ELK3: variants seen among roughly 807,000 people sequenced by gnomAD.
ELK3 encodes ETS transcription factor ELK3, also known as ETS domain-containing protein Elk-3.
In ELK3, 10 loss-of-function variants were observed where a neutral mutation model predicts 28.9. That is an observed-to-expected ratio of 0.35 (90% CI 0.21 to 0.59). ELK3 has a LOEUF of 0.59. ELK3 is among the 20% of genes least tolerant of loss of function. The pLI, the probability that ELK3 is intolerant of heterozygous loss-of-function variation, is 0.82. For synonymous variants in ELK3, 272 were observed against 243.5 expected (o/e 1.12, Z -1.09); for missense variants, 463 against 517.3 (o/e 0.90, Z 1.02).
intron 1 of ELK3, among the ~76,000 whole-genome samples, chr12:96,222,589 C>A (rs1023797796): frequency 6.6e-6 from 1 of 152,176 alleles, no homozygotes; most frequent in Non-Finnish European, 1.5e-5. Flanking sequence ...TATCAGAGTG[C>A]TGGCAATACA....
chr12:96,254,342 TAAAC>T (rs760526586), intron 3 of ELK3, among the ~76,000 whole-genome samples: 6 of 151,862 alleles, frequency 4.0e-5, no homozygotes, highest in Non-Finnish European at 7.4e-5. Context: ...AATAAGTAAA[TAAAC>T]AGCTGCTAGA....
chr12:96,224,985 A>C (rs2300553), intron 2 of ELK3, among the ~76,000 whole-genome samples: 42,750 of 152,186 alleles, frequency 0.28, 7,437 homozygotes, highest in South Asian at 0.48. Context: ...ATTGCACGTG[A>C]TTGTGTCATT....
chr12:96,261,957 T>G (rs913223166), intron 4 of ELK3, among the ~76,000 whole-genome samples: 1 of 151,850 alleles, frequency 6.6e-6, no homozygotes, highest in African/African-American at 2.4e-5. Flanking sequence ...AAATAAAGAT[T>G]GCAGGGCCCC....
intron 1 of ELK3, among the ~76,000 whole-genome samples, chr12:96,221,749 T>A (rs1484863215): frequency 6.6e-6 from 1 of 152,206 alleles, no homozygotes; most frequent in Non-Finnish European, 1.5e-5. Context: ...GAGGTGGTTT[T>A]GACCCAGCAG....
intron 4 of ELK3, among the ~76,000 whole-genome samples, chr12:96,266,464 C>T (rs957722765): frequency 1.3e-5 from 2 of 152,148 alleles, no homozygotes; most frequent in Admixed American, 1.3e-4. Context: ...CTATATTTAT[C>T]ATCTTAGTGA....
rs189887931 is a variant in ELK3 at position 96,205,368 on chromosome 12, T to G, written c.-3+10663T>G. Among the ~76,000 whole-genome samples, 10 of 152,340 alleles carry G rather than the reference T, an allele frequency of 6.6e-5. No homozygotes were observed. In the East Asian group the frequency reaches 1.9e-3, roughly 29 times the overall value. On this transcript the variant is annotated intron_variant, in intron 1 of 4. Coordinates refer to ENST00000228741, the MANE Select transcript of ELK3 (RefSeq NM_005230.4). Reference sequence around the variant, plus strand: ...TATGATCTTGAAACCCTCTGGCAACTAGAATTCGTGAGCACTGGGAGGCAA... The same window carrying G: ...TATGATCTTGAAACCCTCTGGCAACGAGAATTCGTGAGCACTGGGAGGCAA...
intron 1 of ELK3, among the ~76,000 whole-genome samples, chr12:96,206,323 AT>A (rs1188781659): frequency 2.2e-4 from 32 of 147,018 alleles, no homozygotes; most frequent in South Asian, 4.3e-4. Flanking sequence ...TTATTTATTT[AT>A]TTTTTTTTTT....
At chr12:96,200,521 A>G (rs1434688667) in intron 1 of ELK3, among the ~76,000 whole-genome samples, 2 of 152,170 alleles carry the variant, frequency 1.3e-5, no homozygotes, top group African/African-American at 2.4e-5. Context: ...ATTTAGAGAC[A>G]GAGCCTGGTT....
rs148884722 is a variant in ELK3, at chr12:96,208,471, C to T, written c.-3+13766C>T. Among the ~76,000 whole-genome samples, 221 of 152,352 alleles carry T rather than the reference C, an allele frequency of 1.5e-3. 2 individuals are homozygous for T. The highest frequency in any genetic ancestry group is 4.7e-3 in the African/African-American group (197 of 41,588). On this transcript the variant is annotated intron_variant, in intron 1 of 4. Coordinates refer to ENST00000228741, the MANE Select transcript of ELK3 (RefSeq NM_005230.4). Reference sequence around the variant, plus strand: ...TTTTCCTGAGAAGAGCATGCAATGGCGTCTCTCCTTCTCCAGGCCACTGCC... The same window carrying T: ...TTTTCCTGAGAAGAGCATGCAATGGTGTCTCTCCTTCTCCAGGCCACTGCC...
intron 2 of ELK3, among the ~76,000 whole-genome samples, chr12:96,231,143 C>G (rs937862388): frequency 6.6e-6 from 1 of 152,178 alleles, no homozygotes; most frequent in African/African-American, 2.4e-5. Flanking sequence ...CAGCTTTTTC[C>G]CTTGGTCTTG....
chr12:96,263,744 T>C (rs1213523746), intron 4 of ELK3, among the ~76,000 whole-genome samples: 5 of 152,198 alleles, frequency 3.3e-5, no homozygotes, highest in South Asian at 2.1e-4. Context: ...TAGAGCCGAA[T>C]GACGGGGACG....
chr12:96,228,416 CAAAAAAAAAA>C (rs71091236), intron 2 of ELK3, among the ~76,000 whole-genome samples: 25 of 68,332 alleles, frequency 3.7e-4, no homozygotes, highest in South Asian at 1.4e-3. Context: ...GACTCTGTGT[CAAAAAAAAAA>C]AAAAAAAAAA....
chr12:96,256,538 CA>C (rs926485505), intron 3 of ELK3, among the ~76,000 whole-genome samples: 12 of 152,232 alleles, frequency 7.9e-5, no homozygotes, highest in African/African-American at 2.6e-4. Context: ...AGCGATAAGC[CA>C]GGGGGGACCC....
intron 3 of ELK3, among the ~76,000 whole-genome samples, chr12:96,251,889 C>T (rs1375822739): frequency 6.6e-6 from 1 of 152,240 alleles, no homozygotes; most frequent in Non-Finnish European, 1.5e-5. Context: ...GGAGAAGCTG[C>T]AGTAAGCTGT....
At chr12:96,218,748 A>G (rs957869401) in intron 1 of ELK3, among the ~76,000 whole-genome samples, 1 of 149,260 alleles carries the variant, frequency 6.7e-6, no homozygotes, top group African/African-American at 2.5e-5. Flanking sequence ...TCCTGGGTTC[A>G]CGCCATTCTC....
chr12:96,211,485 GTTT>G (rs1450998049), intron 1 of ELK3, among the ~76,000 whole-genome samples: 3 of 27,358 alleles, frequency 1.1e-4, no homozygotes, highest in Non-Finnish European at 2.5e-4. Context: ...GTCATTGTGT[GTTT>G]GTGTGTGTGT....
At chr12:96,230,317 A>T (rs1298457767) in intron 2 of ELK3, among the ~76,000 whole-genome samples, 1 of 152,202 alleles carries the variant, frequency 6.6e-6, no homozygotes, top group East Asian at 1.9e-4. Context: ...CCCCAGCGAC[A>T]CATTTCTCAG....
At chr12:96,195,684 G>A (rs1321166655) in intron 1 of ELK3, among the ~76,000 whole-genome samples, 3 of 152,130 alleles carry the variant, frequency 2.0e-5, no homozygotes, top group Non-Finnish European at 4.4e-5. Context: ...AGTGTCGGGA[G>A]AGTTTCTGGC....
chr12:96,234,489 A>G (rs1476933673), intron 2 of ELK3, among the ~76,000 whole-genome samples: 2 of 151,882 alleles, frequency 1.3e-5, no homozygotes, highest in East Asian at 3.9e-4. Flanking sequence ...CATAGCACCC[A>G]CCACCCGCCG....
Sources: gnomAD v4.1 joint callset for allele counts (sites outside exome capture counted in the v4.1 genomes callset) on GRCh38, gnomAD v4.1.1 for gene constraint, MANE v1.5 for transcripts, NCBI Gene and HGNC (gene_info 2026-07-23, HGNC 2026-07-21) for gene names.